Variants in PTPN2 observed in about 807,000 individuals in gnomAD.
PTPN2 encodes protein tyrosine phosphatase non-receptor type 2, also known as tyrosine-protein phosphatase non-receptor type 2.
PTPN2 carries 19 observed loss-of-function variants against 57.3 expected under a neutral mutation model. The observed-to-expected ratio is 0.33, with a 90% CI of 0.23 to 0.49. The LOEUF (loss-of-function observed/expected upper bound fraction) is 0.49. Ranked by LOEUF, PTPN2 falls within the 20% of genes least tolerant of loss-of-function variation. The probability of loss-of-function intolerance (pLI) is 0.99; values close to 1 mark genes in which losing one functional copy is unlikely to be tolerated. For missense variants in PTPN2, 358 were observed against 501.1 expected (o/e 0.71, Z 2.73); for synonymous variants, 153 against 164.9 (o/e 0.93, Z 0.55).
chr18:12,799,209 G>A (rs970963870), intron 8 of PTPN2, among the ~76,000 whole-genome samples: 1 of 152,106 alleles, frequency 6.6e-6, no homozygotes, highest in Non-Finnish European at 1.5e-5. Flanking sequence ...ACAAGGTCAG[G>A]AGTTCGAGAC....
chr18:12,860,500 G>C (rs2043764907), intron 1 of PTPN2, among the ~76,000 whole-genome samples: 1 of 152,178 alleles, frequency 6.6e-6, no homozygotes, highest in Non-Finnish European at 1.5e-5. Context: ...GGGAGGCTGA[G>C]GCAGGAGAAT....
chr18:12,801,291 T>C (rs1007162212), intron 8 of PTPN2, among the ~76,000 whole-genome samples: 23 of 152,116 alleles, frequency 1.5e-4, no homozygotes, highest in Admixed American at 3.9e-4. Flanking sequence ...GGCGGGTGGA[T>C]GACCTGAGGT....
chr18:12,785,641 GTCT>G, exon 10 of PTPN2: 1 of 652,854 alleles, frequency 1.5e-6, no homozygotes, highest in South Asian at 1.7e-5. Flanking sequence ...GTTCTGCAAA[GTCT>G]TCTGCTGGTG....
At chr18:12,830,456 T>C (rs2042632713) in intron 4 of PTPN2, among the ~76,000 whole-genome samples, 1 of 152,132 alleles carries the variant, frequency 6.6e-6, no homozygotes, top group Non-Finnish European at 1.5e-5. Flanking sequence ...TTAAATGATA[T>C]TGAAGATCAG....
intron 5 of PTPN2, among the ~76,000 whole-genome samples, chr18:12,817,581 CACTT>C (rs1423695103): frequency 6.6e-6 from 1 of 152,126 alleles, no homozygotes; most frequent in African/African-American, 2.4e-5. Flanking sequence ...ACGCATACAA[CACTT>C]ACTATTTTGG....
chr18:12,852,970 C>T (rs559830355), intron 2 of PTPN2, among the ~76,000 whole-genome samples: 22 of 152,316 alleles, frequency 1.4e-4, no homozygotes, highest in African/African-American at 5.3e-4. Flanking sequence ...TGGGCAGAGC[C>T]TCTTCTCAGC....
In PTPN2 at chr18:12,804,064, T is replaced by C. The variant is rs1250834627; in HGVS notation, c.859-1913A>G. On this transcript the variant is annotated intron_variant, in intron 7 of 8. Transcript: ENST00000309660. ...GCTCACACCCAAGAACTTTGGGAGG[T>C]AGAGGCTGGAGGATCACCTGAGGTG... 2.0e-5 allele frequency among the ~76,000 whole-genome samples: 3 copies of C among 150,308 alleles called. No homozygotes were observed. In the East Asian group the frequency reaches 5.9e-4, roughly 29 times the overall value.
intron 4 of PTPN2, among the ~76,000 whole-genome samples, chr18:12,826,620 A>G (rs2042470073): frequency 6.6e-6 from 1 of 151,664 alleles, no homozygotes; most frequent in African/African-American, 2.4e-5. Context: ...CCAGGCTGGA[A>G]TGCAGTGGCG....
chr18:12,840,457 T>C (rs1253088862), intron 2 of PTPN2, among the ~76,000 whole-genome samples: 1 of 152,130 alleles, frequency 6.6e-6, no homozygotes, highest in East Asian at 1.9e-4. Flanking sequence ...GCAAAGAAAA[T>C]TCTACTTGAT....
chr18:12,787,323 A>G (rs1186816932), downstream of PTPN2: 3 of 152,256 alleles, frequency 2.0e-5, no homozygotes, highest in East Asian at 5.8e-4. Flanking sequence ...TACAGACTGC[A>G]GAGTGAATCT....
intron 4 of PTPN2, 50 bp from the exon 5 acceptor site, chr18:12,825,994 G>A (rs775177608): frequency 6.9e-7 from 1 of 1,443,482 alleles, no homozygotes; most frequent in Non-Finnish European, 9.4e-7. Context: ...TAGACATCAT[G>A]AAACCATAAA....
chr18:12,788,389 T>C (rs1030834151), downstream of PTPN2, among the ~76,000 whole-genome samples: 1 of 149,506 alleles, frequency 6.7e-6, no homozygotes, highest in Non-Finnish European at 1.5e-5. Flanking sequence ...AGTTTGAACT[T>C]TTCAAATTCT....
chr18:12,835,230 AG>A lies in PTPN2; in HGVS notation c.261+1560del, dbSNP rs2042813785. On this transcript the variant is annotated intron_variant, in intron 3 of 8. Transcript: ENST00000309660. ...AAAAAAAACTTCCAATATTACAGAA[AG>A]GAATAAAATGGAAAATTAAAGTCTC... is the stretch of plus-strand genomic sequence containing the variant. Among the ~76,000 whole-genome samples the A allele has an allele frequency of 2.6e-5, 4 of 152,320 alleles. No homozygotes were observed. In the South Asian group the frequency reaches 8.3e-4, roughly 32 times the overall value.
rs748615647 is a variant in PTPN2 at position 12,859,284 on chromosome 18, C to T, written c.70-30G>A. 7 of 1,459,348 alleles carry T rather than the reference C, an allele frequency of 4.8e-6. No homozygotes were observed. The Admixed American group carries it at 1.3e-4, about 26-fold the overall frequency. The allele number at this position is 1,459,348 out of a possible 1,614,324, so 90.4% of individuals were successfully genotyped here. A position where few individuals can be genotyped will look rare whatever the true frequency, so the allele number is the denominator to read the frequency against. Reference sequence around the variant, plus strand: ...AAATAACAAAAATATATTTTAATATCCCTCTTAAATTCTCCACAGCAAAAC... The same window carrying T: ...AAATAACAAAAATATATTTTAATATTCCTCTTAAATTCTCCACAGCAAAAC... On this transcript the variant is annotated intron_variant, in intron 1 of 8. Coordinates refer to ENST00000309660, the MANE Select transcript of PTPN2 (RefSeq NM_002828.4).
chr18:12,822,533 A>G (rs1287682350), intron 5 of PTPN2, among the ~76,000 whole-genome samples: 1 of 152,196 alleles, frequency 6.6e-6, no homozygotes. Flanking sequence ...GTAAGTCACT[A>G]AAGGGCTCCT....
intron 7 of PTPN2, among the ~76,000 whole-genome samples, chr18:12,810,393 C>T (rs754178214): frequency 3.9e-5 from 6 of 152,056 alleles, no homozygotes; most frequent in East Asian, 3.9e-4. Context: ...CACACTTCAC[C>T]GTTCCCAGAT....
At chr18:12,858,276 A>G (rs1475121443) in intron 2 of PTPN2, among the ~76,000 whole-genome samples, 1 of 152,212 alleles carries the variant, frequency 6.6e-6, no homozygotes, top group Non-Finnish European at 1.5e-5. Flanking sequence ...AGGGAGCCCT[A>G]AAGAGAAAAC....
downstream of PTPN2, among the ~76,000 whole-genome samples, chr18:12,790,302 A>G (rs2040952579): frequency 2.0e-5 from 3 of 152,188 alleles, no homozygotes. Context: ...ACAACCAGGC[A>G]GGCAATTTGG....
chr18:12,832,749 A>G (rs7240157), intron 3 of PTPN2, among the ~76,000 whole-genome samples: 1,662 of 152,342 alleles, frequency 0.011, 38 homozygotes, highest in African/African-American at 0.038. Flanking sequence ...TATACACACA[A>G]TCACAACCCA....
Sources: allele counts gnomAD v4.1 joint callset (sites outside exome capture counted in the v4.1 genomes callset), GRCh38; gene constraint gnomAD v4.1.1; transcripts MANE v1.5; gene names NCBI Gene and HGNC (gene_info 2026-07-23, HGNC 2026-07-21).